The following TYK2 variants were observed in gnomAD, a reference collection of about 807,000 sequenced individuals.
The protein encoded by TYK2 is tyrosine kinase 2, also known as non-receptor tyrosine-protein kinase TYK2.
TYK2 carries 65 observed loss-of-function variants against 130.9 expected under a neutral mutation model. The observed-to-expected ratio is 0.50, with a 90% CI of 0.41 to 0.61. The LOEUF (loss-of-function observed/expected upper bound fraction) is 0.61, where lower values mean the gene tolerates loss of function less well. Among genes scored for constraint, TYK2 ranks in the 20% least tolerant of loss-of-function variants. The pLI is 0.00. For synonymous variants in TYK2, 647 were observed against 658.9 expected (o/e 0.98, Z 0.28); for missense variants, 1,378 against 1,610.7 (o/e 0.86, Z 2.47).
intron 15 of TYK2, among the ~76,000 whole-genome samples, chr19:10,358,835 C>T (rs894553103): frequency 6.6e-6 from 1 of 151,998 alleles, no homozygotes; most frequent in Non-Finnish European, 1.5e-5. Flanking sequence ...GAGGCTGAGG[C>T]GGATGGATCA....
Position 10,353,880 on chromosome 19 carries a change from G to T in TYK2, c.2908+162C>A, listed in dbSNP as rs72563147. Reference sequence around the variant, plus strand: ...CAGGTAGCACCCCCCAGATGGGAAGGAGGCAGCCCAGCCACGCTCACCCAG... The same window carrying T: ...CAGGTAGCACCCCCCAGATGGGAAGTAGGCAGCCCAGCCACGCTCACCCAG... On this transcript the variant is annotated intron_variant, in intron 20 of 24. Coordinates refer to ENST00000525621, the MANE Select transcript of TYK2 (RefSeq NM_003331.5). The surrounding 1 kb of genome is among the most constrained non-coding windows in gnomAD (Gnocchi z 6.9). 2.5e-6 allele frequency: 2 copies of T among 816,224 alleles called. No individual in the cohort carries two copies. Among genetic ancestry groups the T allele is most frequent in the Non-Finnish European group, 3.9e-6 (2 of 510,194 alleles). The allele number at this position is 816,224 out of a possible 1,614,324, so 50.6% of individuals were successfully genotyped here.
rs1373705538 is a variant in TYK2 at position 10,365,514 on chromosome 19, C to T, written c.1011+3G>A. 8.7e-6 allele frequency: 14 copies of T among 1,613,748 alleles called. No homozygotes were observed. The highest frequency in any genetic ancestry group is 2.7e-5 in the African/African-American group (2 of 74,924). Reference sequence around the variant, plus strand: ...CCCAGGGCGGAAGGGGCGCCTTGCTCACCTCCTCCTTGTTCACCTCCTCCT... The same window carrying T: ...CCCAGGGCGGAAGGGGCGCCTTGCTTACCTCCTCCTTGTTCACCTCCTCCT... On this transcript the variant is annotated splice_donor_region_variant and intron_variant, in intron 7 of 24. Coordinates refer to ENST00000525621, the MANE Select transcript of TYK2 (RefSeq NM_003331.5).
intron 17 of TYK2, 87 bp from the exon 18 acceptor site, chr19:10,356,805 G>A: frequency 7.0e-7 from 1 of 1,422,970 alleles, no homozygotes; most frequent in Non-Finnish European, 9.6e-7. Context: ...CCCCAGAGTG[G>A]ACCGCCAGGT....
At chr19:10,369,449 C>T (rs1403140687) in intron 3 of TYK2, among the ~76,000 whole-genome samples, 1 of 152,054 alleles carries the variant, frequency 6.6e-6, no homozygotes, top group Non-Finnish European at 1.5e-5. Context: ...GCCTCAACCT[C>T]CAGGGCTCAA....
intron 10 of TYK2, 26 bp from the exon 11 acceptor site, chr19:10,362,482 G>A (rs967295003): frequency 6.3e-6 from 10 of 1,575,670 alleles, no homozygotes; most frequent in East Asian, 2.3e-5. Flanking sequence ...AGAGGTGGGA[G>A]CAGTAAGCAG....
Position 10,378,204 on chromosome 19 carries a change from C to A in TYK2, c.193+10G>T. ...CCCCAGTCCCCATGGTGCCAACGCC[C>A]CAGACTCACCAACTTTATGTGCAAT... On this transcript the variant is annotated intron_variant, in intron 3 of 24. Coordinates refer to ENST00000525621, the MANE Select transcript of TYK2 (RefSeq NM_003331.5). 1 of 1,612,498 alleles carries A rather than the reference C, an allele frequency of 6.2e-7. No individual in the cohort carries two copies. The highest frequency in any genetic ancestry group is 8.5e-7 in the Non-Finnish European group (1 of 1,179,828).
intron 3 of TYK2, among the ~76,000 whole-genome samples, chr19:10,371,987 C>G (rs1231093846): frequency 6.6e-6 from 1 of 151,194 alleles, no homozygotes; most frequent in African/African-American, 2.4e-5. Context: ...GAAGATGTTT[C>G]TGAGTTTTTG....
intron 18 of TYK2, among the ~76,000 whole-genome samples, chr19:10,355,455 C>T (rs1839798707): frequency 6.6e-6 from 1 of 151,512 alleles, no homozygotes; most frequent in African/African-American, 2.4e-5. Flanking sequence ...GCCTAGCCAA[C>T]ACAGTGAAAC....
chr19:10,371,277 C>T (rs1435854205), intron 3 of TYK2, among the ~76,000 whole-genome samples: 1 of 151,708 alleles, frequency 6.6e-6, no homozygotes, highest in Non-Finnish European at 1.5e-5. Flanking sequence ...GGATTACAGG[C>T]ATAAGCCAGT....
chr19:10,370,646 C>T (rs1373300042), intron 3 of TYK2, among the ~76,000 whole-genome samples: 1 of 151,908 alleles, frequency 6.6e-6, no homozygotes, highest in Non-Finnish European at 1.5e-5. Context: ...AGCAAAACCT[C>T]GTCTCTACTA....
intron 5 of TYK2, among the ~76,000 whole-genome samples, chr19:10,367,103 G>A (rs1371572078): frequency 1.3e-5 from 2 of 151,962 alleles, no homozygotes; most frequent in East Asian, 3.9e-4. Flanking sequence ...TTATGAATTT[G>A]TGTTGGGCTT....
chr19:10,377,314 G>A (rs995607075), intron 3 of TYK2, among the ~76,000 whole-genome samples: 7 of 149,648 alleles, frequency 4.7e-5, no homozygotes, highest in African/African-American at 7.5e-5. Flanking sequence ...AATGTTCACC[G>A]AATGAACGGG....
chr19:10,378,434 G>A lies in TYK2; in HGVS notation c.-20-8C>T. 1 of 1,601,936 alleles carries A rather than the reference G, an allele frequency of 6.2e-7. No individual in the cohort carries two copies. The highest frequency in any genetic ancestry group is 1.1e-5 in the South Asian group (1 of 90,868). ...TCCCGGCAGGTGGCTCAGCTGGAAA[G>A]GGGACAATCTGTCAGCTCCCAAGTC... is the stretch of plus-strand genomic sequence containing the variant. On this transcript the variant is annotated splice_region_variant and splice_polypyrimidine_tract_variant and intron_variant, in intron 2 of 24. Transcript: ENST00000525621.
chr19:10,351,020 G>T (rs758033556), intron 24 of TYK2, 32 bp downstream of exon 24: 5 of 1,614,178 alleles, frequency 3.1e-6, no homozygotes, highest in Non-Finnish European at 4.2e-6. Context: ...CAGCAGGATA[G>T]TGGGGTCAGG....
intron 1 of TYK2, among the ~76,000 whole-genome samples, 170 bp downstream of exon 1, chr19:10,380,210 G>A (rs1002184484): frequency 6.6e-6 from 1 of 152,218 alleles, no homozygotes; most frequent in Non-Finnish European, 1.5e-5. Flanking sequence ...TGGGGCTTTC[G>A]CGGAGCCTAC....
chr19:10,375,752 T>C (rs916780655), intron 3 of TYK2, among the ~76,000 whole-genome samples: 1 of 102,120 alleles, frequency 9.8e-6, no homozygotes, highest in Non-Finnish European at 1.9e-5. Context: ...CCACCTCTAC[T>C]AAAAATACAA....
chr19:10,373,039 ATT>A (rs951748152), intron 3 of TYK2, among the ~76,000 whole-genome samples: 5 of 133,234 alleles, frequency 3.8e-5, no homozygotes, highest in Admixed American at 7.5e-5. Context: ...AATTTTTTGT[ATT>A]TTTTTTTTTT....
At chr19:10,369,889 A>C (rs1466813704) in intron 3 of TYK2, 4 of 344,070 alleles carry the variant, frequency 1.2e-5, no homozygotes, top group South Asian at 8.4e-5. Flanking sequence ...TAAAAAATAC[A>C]AAAAATTAGC....
At chr19:10,367,058 A>AAT (rs1423030969) in intron 5 of TYK2, among the ~76,000 whole-genome samples, 2 of 152,032 alleles carry the variant, frequency 1.3e-5, no homozygotes, top group Non-Finnish European at 2.9e-5. Context: ...AAAAAAAAAA[A>AAT]ATCACAGCAA....
Sources: gnomAD v4.1 joint callset for allele counts (sites outside exome capture counted in the v4.1 genomes callset) on GRCh38, gnomAD v4.1.1 for gene constraint, Gnocchi (gnomAD v3.1) non-coding constraint, MANE v1.5 for transcripts, NCBI Gene and HGNC (gene_info 2026-07-23, HGNC 2026-07-21) for gene names.